Variants in SP110 observed in about 807,000 individuals in gnomAD.
The protein encoded by SP110 is interferon-induced protein 41, 30kD.
SP110 carries 62 observed loss-of-function variants against 92.7 expected under a neutral mutation model. That is an observed-to-expected ratio of 0.67 (90% CI 0.55 to 0.83). SP110 has a LOEUF of 0.83. Among genes scored for constraint, SP110 ranks in the 40% least tolerant of loss-of-function variants. The pLI, the probability that SP110 is intolerant of heterozygous loss-of-function variation, is 0.00. For synonymous variants in SP110, 273 were observed against 305.3 expected (o/e 0.89, Z 1.10); for missense variants, 793 against 863.9 (o/e 0.92, Z 1.03).
chr2:230,207,966 GCTT>G (rs749165734), intron 8 of SP110, 22 bp downstream of exon 8: 1 of 1,235,304 alleles, frequency 8.1e-7, no homozygotes, highest in Admixed American at 1.8e-5. Flanking sequence ...CCAGCCTCCA[GCTT>G]CCTCTTGTAC....
chr2:230,211,534 G>GA lies in SP110; in HGVS notation c.686dup (p.Gln231ProfsTer5), dbSNP rs763364899. The GA allele has an allele frequency of 1.9e-6, 3 of 1,609,936 alleles. No homozygotes were observed. The Admixed American group carries it at 5.0e-5, about 27-fold the overall frequency. ...GGTCTTCTTTATCTCTTATTTGGGG[G>GA]ATCAGGTTGTCACTGGCCACTGAAT... On this transcript the variant is annotated frameshift_variant, in exon 6 of 19. Coordinates refer to ENST00000258381, the MANE Select transcript of SP110 (RefSeq NM_080424.4). LOFTEE classifies it high-confidence loss of function. The surrounding 1 kb of genome is among the most constrained non-coding windows in gnomAD (Gnocchi z 4.2).
At chr2:230,178,400 A>G in intron 12 of SP110, 145 bp from the exon 13 acceptor site, 2 of 659,120 alleles carry the variant, frequency 3.0e-6, no homozygotes, top group East Asian at 2.8e-5. Flanking sequence ...ATCTCGAGTG[A>G]CAGATAAGCT....
In SP110 at chr2:230,169,036, C is replaced by T; in HGVS notation, c.*88G>A. On this transcript the variant is annotated 3_prime_UTR_variant, in exon 19 of 19. Coordinates refer to ENST00000258381, the MANE Select transcript of SP110 (RefSeq NM_080424.4). ...GGGTCCTGAGGGCAGCCAATTACAT[C>T]CCAGACTCACTGGCAATCAACAGTC... 1.1e-6 allele frequency: 1 copy of T among 885,964 alleles called. No homozygotes were observed. The highest frequency in any genetic ancestry group is 1.9e-6 in the Non-Finnish European group (1 of 520,616). The allele number at this position is 885,964 out of a possible 1,614,324, so 54.9% of individuals were successfully genotyped here. A position where few individuals can be genotyped will look rare whatever the true frequency, so the allele number is the denominator to read the frequency against.
At chr2:230,207,241 T>C (rs1178488540) in intron 8 of SP110, among the ~76,000 whole-genome samples, 1 of 152,182 alleles carries the variant, frequency 6.6e-6, no homozygotes, top group East Asian at 1.9e-4. Flanking sequence ...ATACATGAGT[T>C]GTAGTCTATT....
At chr2:230,214,166 C>CTCTGT (rs2044827071) in intron 3 of SP110, 1 of 152,356 alleles carries the variant, frequency 6.6e-6, no homozygotes, top group Admixed American at 6.5e-5. Flanking sequence ...TTCTTCCCAA[C>CTCTGT]TCTGCCACTG....
rs192378751 is a variant in SP110 at position 230,196,458 on chromosome 2, A to C, written c.1129+4427T>G. ...GTATGAGCTTATATATAAAAAGAAA[A>C]ATGTATGCATACTTATACAAAAATA... is the stretch of plus-strand genomic sequence containing the variant. On this transcript the variant is annotated intron_variant, in intron 10 of 18. Coordinates refer to ENST00000258381, the MANE Select transcript of SP110 (RefSeq NM_080424.4). 7.9e-5 allele frequency among the ~76,000 whole-genome samples: 12 copies of C among 152,258 alleles called. No individual in the cohort carries two copies. In the South Asian group the frequency reaches 1.0e-3, roughly 13 times the overall value.
chr2:230,195,852 T>C (rs1272819299), intron 10 of SP110, among the ~76,000 whole-genome samples: 1 of 151,878 alleles, frequency 6.6e-6, no homozygotes, highest in East Asian at 1.9e-4. Context: ...AAAAACAAAA[T>C]TTAAATATAC....
At chr2:230,176,598 GAAGCTCT>G (rs2041868439) in intron 14 of SP110, 1 of 1,612,856 alleles carries the variant, frequency 6.2e-7, no homozygotes, top group Non-Finnish European at 8.5e-7. Flanking sequence ...TGGAAACTCA[GAAGCTCT>G]AAGGTGAGCC....
At chr2:230,199,187 A>G (rs2043019277) in intron 10 of SP110, among the ~76,000 whole-genome samples, 1 of 146,172 alleles carries the variant, frequency 6.8e-6, no homozygotes, top group South Asian at 2.2e-4. Context: ...TTGCTGTCAC[A>G]CACAGCAACA....
intron 10 of SP110, among the ~76,000 whole-genome samples, chr2:230,196,858 C>T (rs984235536): frequency 2.1e-4 from 32 of 152,180 alleles, no homozygotes; most frequent in Non-Finnish European, 4.0e-4. Context: ...CATGTCCCTA[C>T]AAAGGACATG....
chr2:230,220,872 G>A (rs1256008824), upstream of SP110, among the ~76,000 whole-genome samples: 2 of 152,126 alleles, frequency 1.3e-5, no homozygotes, highest in Non-Finnish European at 1.5e-5. Flanking sequence ...TTAACTGAGT[G>A]TGGTGGCATG....
Position 230,169,172 on chromosome 2 carries a change from C to T in SP110, c.2094G>A (p.Val698=), listed in dbSNP as rs759307542. The T allele has an allele frequency of 6.2e-7, 1 of 1,613,988 alleles. No individual in the cohort carries two copies. The highest frequency in any genetic ancestry group is 8.5e-7 in the Non-Finnish European group (1 of 1,179,906). The change falls in exon 19 of 19, where the codon GTG becomes GTA. Residue 698 remains valine, a synonymous_variant. Transcript: ENST00000258381. Reference sequence around the variant, plus strand: ...CGTCATTGGCTTCATGAAAACCGAGCACGTCTTTGAGATCTTTTTCAAATT... The same window carrying T: ...CGTCATTGGCTTCATGAAAACCGAGTACGTCTTTGAGATCTTTTTCAAATT... ...EAEFEKDLKD[V]LGFHEANDGG... is the part of the protein sequence containing the mutation.
rs2078473935 is a variant in SP110 at position 230,172,531 on chromosome 2, A to G, written c.1706+313T>C. On this transcript the variant is annotated intron_variant, in intron 15 of 18. Transcript: ENST00000258381. ...CATCAGCCAGGTGAGACTATGGTGA[A>G]ATGTGTGACAAGCCGTGCTTCCTGT... is the stretch of plus-strand genomic sequence containing the variant. The G allele has an allele frequency of 1.1e-5, 6 of 523,886 alleles. No homozygotes were observed. The East Asian group carries it at 1.7e-4, about 15-fold the overall frequency. The allele number at this position is 523,886 out of a possible 1,614,324, so 32.5% of individuals were successfully genotyped here.
chr2:230,200,469 A>G (rs894055535), intron 10 of SP110: 4 of 190,624 alleles, frequency 2.1e-5, no homozygotes, highest in African/African-American at 9.6e-5. Context: ...GAAAGGCCAC[A>G]TGAGAAATAT....
chr2:230,193,410 C>T (rs2042723720), intron 10 of SP110, among the ~76,000 whole-genome samples: 1 of 152,162 alleles, frequency 6.6e-6, no homozygotes, highest in Admixed American at 6.6e-5. Context: ...TTGTTACCTA[C>T]ATACGTTGTT....
At chr2:230,220,348 A>G (rs555698731), upstream of SP110, among the ~76,000 whole-genome samples, 1 of 152,332 alleles carries the variant, frequency 6.6e-6, no homozygotes, top group Non-Finnish European at 1.5e-5. Flanking sequence ...GATTGTGGTG[A>G]TGTTTACATA....
chr2:230,216,758 T>C (rs199771262), intron 2 of SP110, 23 bp downstream of exon 2: 7 of 1,613,236 alleles, frequency 4.3e-6, no homozygotes, highest in Non-Finnish European at 4.2e-6. Context: ...TGGGCTGCCA[T>C]GGAAGGGTTC....
In SP110 at chr2:230,183,556, T is replaced by C. The variant is rs2042222143; in HGVS notation, c.1348+16A>G. 6.3e-7 allele frequency: 1 copy of C among 1,591,566 alleles called. No homozygotes were observed. Among genetic ancestry groups the C allele is most frequent in the East Asian group, 2.2e-5 (1 of 44,770 alleles). On this transcript the variant is annotated intron_variant, in intron 12 of 18. Coordinates refer to ENST00000258381, the MANE Select transcript of SP110 (RefSeq NM_080424.4). Reference sequence around the variant, plus strand: ...TGGGGAGCCCAGTGGGGAGGCGCTGTGGCTTGCTTGCTTACCTCTTCGGTG... The same window carrying C: ...TGGGGAGCCCAGTGGGGAGGCGCTGCGGCTTGCTTGCTTACCTCTTCGGTG...
At chr2:230,192,473 T>C (rs2894695) in intron 10 of SP110, among the ~76,000 whole-genome samples, 132,475 of 151,294 alleles carry the variant, frequency 0.88, 58,010 homozygotes, top group East Asian at 1. Context: ...AAATCACAAG[T>C]ATGCCTTTAC....
Sources: allele counts gnomAD v4.1 joint callset (sites outside exome capture counted in the v4.1 genomes callset), GRCh38; gene constraint gnomAD v4.1.1; non-coding constraint Gnocchi (gnomAD v3.1); transcripts MANE v1.5; gene names NCBI Gene and HGNC (gene_info 2026-07-23, HGNC 2026-07-21).